Variants in ZNF142 observed in about 807,000 individuals in gnomAD.
ZNF142 encodes the protein zinc finger protein 142 (clone pHZ-49).
In ZNF142, 96 loss-of-function variants were observed where a neutral mutation model predicts 132.1. That is an observed-to-expected ratio of 0.73 (90% CI 0.62 to 0.86). ZNF142 has a LOEUF of 0.86. Among genes scored for constraint, ZNF142 ranks in the 40% least tolerant of loss-of-function variants. The pLI, the probability that ZNF142 is intolerant of heterozygous loss-of-function variation, is 0.00. For synonymous variants in ZNF142, 842 were observed against 890.1 expected (o/e 0.95, Z 0.96); for missense variants, 2,163 against 2,336.2 (o/e 0.93, Z 1.53).
Position 218,648,701 on chromosome 2 carries a change from A to G in ZNF142, c.1807T>C (p.Cys603Arg), listed in dbSNP as rs780029289. 2 of 1,614,202 alleles carry G rather than the reference A, an allele frequency of 1.2e-6. No individual in the cohort carries two copies. Among genetic ancestry groups the G allele is most frequent in the Non-Finnish European group, 1.7e-6 (2 of 1,180,044 alleles). ...KMHAHEKIHQ[C>R]PECNFATAHK... ...GCAGTGGCAAAGTTGCACTCAGGAC[A>G]CTGGTGGATCTTTTCATGAGCATGC... is the stretch of plus-strand genomic sequence containing the variant. Residue 603 changes from cysteine (C) to arginine (R), a missense_variant, in exon 7 of 11, where the codon TGT (cysteine) becomes CGT (arginine). By Grantham distance (180) the Cys-to-Arg change is radical (BLOSUM62 -3). Transcript: ENST00000411696.
rs1369723138 is a variant in ZNF142 at position 218,643,434 on chromosome 2, A to G, written c.3682T>C (p.Cys1228Arg). ...KHRFEQGKFH[C>R]NSCPFLCSRL... The stretch of plus-strand genomic sequence containing the variant: ...GAACAAAGGAATGGGCAGGAGTTGC[A>G]GTGAAACTTGCCCTGCTCAAAGCGG... The change falls in exon 9 of 11, where the codon TGC becomes CGC. Residue 1228 changes from cysteine (C) to arginine (R), a missense_variant. Coordinates refer to ENST00000411696, the MANE Select transcript of ZNF142 (RefSeq NM_001379659.1). 6.2e-7 allele frequency: 1 copy of G among 1,614,130 alleles called. No individual in the cohort carries two copies. The highest frequency in any genetic ancestry group is 1.3e-5 in the African/African-American group (1 of 74,946).
chr2:218,657,675 C>T (rs1938639475), intron 3 of ZNF142, among the ~76,000 whole-genome samples: 1 of 152,152 alleles, frequency 6.6e-6, no homozygotes. Context: ...GGTGATCCAC[C>T]TGCCTCGGCC....
chr2:218,642,607 C>G lies in ZNF142; in HGVS notation c.4509G>C (p.Gln1503His), dbSNP rs1378086495. 1 of 1,602,994 alleles carries G rather than the reference C, an allele frequency of 6.2e-7. No homozygotes were observed. The highest frequency in any genetic ancestry group is 1.1e-5 in the South Asian group (1 of 89,506). ...AQFSSETALK[Q>H]HALRRHPEPA... ...GCTCGGGGTGTCGGCGCAGAGCATG[C>G]TGCTTAAGTGCTGTCTCTGAGCTGA... Residue 1503 changes from glutamine to histidine, a missense_variant, in exon 9 of 11, where the codon CAG (glutamine) becomes CAC (histidine). Physicochemically the swap from Gln to His is conservative, Grantham distance 24. This residue lies in a region of ZNF142 where 809 missense variants were observed against 801.7 expected (regional missense o/e 1.01). Coordinates refer to ENST00000411696, the MANE Select transcript of ZNF142 (RefSeq NM_001379659.1). This position sits in a 1 kb window ranked among gnomAD's most constrained non-coding sequence, Gnocchi z 4.6.
chr2:218,636,502 T>C lies in ZNF142; in HGVS notation c.*1837A>G. On this transcript the variant is annotated 3_prime_UTR_variant, in exon 11 of 11. Coordinates refer to ENST00000411696, the MANE Select transcript of ZNF142 (RefSeq NM_001379659.1). Reference sequence around the variant, plus strand: ...GCCACATTCACCTGCTGTCCAAAGATGGCATCAGCCTCCGCCCAGCTTCCA... The same window carrying C: ...GCCACATTCACCTGCTGTCCAAAGACGGCATCAGCCTCCGCCCAGCTTCCA... 8 of 1,613,998 alleles carry C rather than the reference T, an allele frequency of 5.0e-6. No individual in the cohort carries two copies. The highest frequency in any genetic ancestry group is 5.9e-6 in the Non-Finnish European group (7 of 1,179,882).
In ZNF142 at chr2:218,633,643, G is replaced by A. The variant is rs1696524859; in HGVS notation, c.*4696C>T. The A allele has an allele frequency of 6.2e-7, 1 of 1,613,480 alleles. No individual in the cohort carries two copies. Among genetic ancestry groups the A allele is most frequent in the East Asian group, 2.2e-5 (1 of 44,888 alleles). On this transcript the variant is annotated 3_prime_UTR_variant, in exon 11 of 11. Transcript: ENST00000411696. ...TCTTGTGTCCAGCCCTCTCTTCCCT[G>A]GTTATCTACTTGAAGTCTGTCTCAT...
Position 218,637,725 on chromosome 2 carries a change from G to C in ZNF142, c.*614C>G, listed in dbSNP as rs1696843168. Among the ~76,000 whole-genome samples, 1 of 152,180 alleles carries C rather than the reference G, an allele frequency of 6.6e-6. No individual in the cohort carries two copies. Among genetic ancestry groups the C allele is most frequent in the Non-Finnish European group, 1.5e-5 (1 of 68,048 alleles). ...GTAGACAAAGGAGCTTGGAAGTAGG[G>C]AGCAGGTCAAGGGTCAAGATGGCTC... is the stretch of plus-strand genomic sequence containing the variant. On this transcript the variant is annotated 3_prime_UTR_variant, in exon 11 of 11. Transcript: ENST00000411696.
At chr2:218,640,061 C>CAAAAAAAAAAAA (rs35136548) in intron 10 of ZNF142, among the ~76,000 whole-genome samples, 3 of 44,334 alleles carry the variant, frequency 6.8e-5, no homozygotes, top group African/African-American at 2.0e-4. Context: ...GACTCTGTCT[C>CAAAAAAAAAAAA]AAAAAAAAAA....
chr2:218,655,753 C>A (rs1938423176), intron 4 of ZNF142, among the ~76,000 whole-genome samples: 1 of 152,130 alleles, frequency 6.6e-6, no homozygotes, highest in Non-Finnish European at 1.5e-5. Flanking sequence ...GAAAGCCCTG[C>A]CAAGCCCAGG....
Position 218,643,709 on chromosome 2 carries a change from A to G in ZNF142, c.3407T>C (p.Leu1136Pro), listed in dbSNP as rs1288943815. 1 of 1,598,486 alleles carries G rather than the reference A, an allele frequency of 6.3e-7. No individual in the cohort carries two copies. Among genetic ancestry groups the G allele is most frequent in the South Asian group, 1.1e-5 (1 of 88,696 alleles). The change falls in exon 9 of 11, where the codon CTG (leucine) becomes CCG (proline). Residue 1136 changes from leucine to proline, a missense_variant. By Grantham distance (98) the Leu-to-Pro change is moderately conservative. Coordinates refer to ENST00000411696, the MANE Select transcript of ZNF142 (RefSeq NM_001379659.1). ...PPPASQEAELLLPKDAPLELP... is the reference protein window; with the variant it reads ...PPPASQEAELPLPKDAPLELP... ...CTCCAAAGGAGCATCTTTTGGAAGC[A>G]GTAGCTCTGCTTCTTGTGATGCAGG...
chr2:218,653,406 C>T (rs1245037018), intron 4 of ZNF142, among the ~76,000 whole-genome samples: 4 of 151,926 alleles, frequency 2.6e-5, no homozygotes, highest in Admixed American at 1.3e-4. Flanking sequence ...GGCGAAACCC[C>T]GTCTCTACTA....
intron 9 of ZNF142, 108 bp downstream of exon 9, chr2:218,641,920 C>T: frequency 7.1e-7 from 1 of 1,404,868 alleles, no homozygotes. Flanking sequence ...GGAACTTTCC[C>T]AAAGTCACAG....
At chr2:218,658,351 C>T (rs1187042249) in intron 3 of ZNF142, among the ~76,000 whole-genome samples, 3 of 152,078 alleles carry the variant, frequency 2.0e-5, no homozygotes, top group Non-Finnish European at 4.4e-5. Flanking sequence ...ACCAGCCTGG[C>T]GAACATTGTG....
chr2:218,636,069 G>C lies in ZNF142; in HGVS notation c.*2270C>G. 2 of 1,449,294 alleles carry C rather than the reference G, an allele frequency of 1.4e-6. No homozygotes were observed. Among genetic ancestry groups the C allele is most frequent in the Non-Finnish European group, 1.9e-6 (2 of 1,063,486 alleles). 89.8% of individuals were successfully genotyped at this position (1,449,294 alleles called of 1,614,324 possible). A position where few individuals can be genotyped will look rare whatever the true frequency, so the allele number is the denominator to read the frequency against. Reference sequence around the variant, plus strand: ...AGTGTGGAACAGTACAAAGAATCCTGGCTCTTCACTTAAAAGCTCCAGTGA... The same window carrying C: ...AGTGTGGAACAGTACAAAGAATCCTCGCTCTTCACTTAAAAGCTCCAGTGA... On this transcript the variant is annotated 3_prime_UTR_variant, in exon 11 of 11. Transcript: ENST00000411696.
chr2:218,657,304 C>T (rs1373928859), intron 3 of ZNF142, among the ~76,000 whole-genome samples: 1 of 152,218 alleles, frequency 6.6e-6, no homozygotes, highest in East Asian at 1.9e-4. Context: ...CTTTCATACC[C>T]TCACAGCCTT....
At position 218,642,348 on chromosome 2, in the gene ZNF142, G is replaced by A. The variant is rs775354210; in HGVS notation, c.4768C>T (p.Arg1590Trp). 49 of 1,613,310 alleles carry A rather than the reference G, an allele frequency of 3.0e-5. No homozygotes were observed. Among genetic ancestry groups the A allele is most frequent in the South Asian group, 1.8e-4 (16 of 91,084 alleles). Reference sequence around the variant, plus strand: ...TGCTTTACCAGGCCCACCCGCTCCCGGGCAGCAAAGTCACAGAGCTGACAG... The same window carrying A: ...TGCTTTACCAGGCCCACCCGCTCCCAGGCAGCAAAGTCACAGAGCTGACAG... The part of the protein sequence containing the change: ...HRCQLCDFAA[R>W]ERVGLVKHYL... Residue 1590 changes from arginine (R) to tryptophan (W), a missense_variant, in exon 9 of 11, where the codon CGG becomes TGG. Physicochemically the swap from Arg to Trp is moderately radical, Grantham distance 101. This residue lies in a region of ZNF142 where 809 missense variants were observed against 801.7 expected (regional missense o/e 1.01). Coordinates refer to ENST00000411696, the MANE Select transcript of ZNF142 (RefSeq NM_001379659.1). The surrounding 1 kb of genome is among the most constrained non-coding windows in gnomAD (Gnocchi z 4.6).
Position 218,636,604 on chromosome 2 carries a change from TG to T in ZNF142, c.*1734del. 6.2e-7 allele frequency: 1 copy of T among 1,604,636 alleles called. No individual in the cohort carries two copies. The highest frequency in any genetic ancestry group is 8.5e-7 in the Non-Finnish European group (1 of 1,172,160). On this transcript the variant is annotated 3_prime_UTR_variant, in exon 11 of 11. Coordinates refer to ENST00000411696, the MANE Select transcript of ZNF142 (RefSeq NM_001379659.1). Reference sequence around the variant, plus strand: ...GTGGGCATTTCACGGGAAGGGTTGGTGTGCTGGCTTTAGACGGGGAGAAACA... The same window carrying T: ...GTGGGCATTTCACGGGAAGGGTTGGTTGCTGGCTTTAGACGGGGAGAAACA...
rs899518761 is a variant in ZNF142 at position 218,643,445 on chromosome 2, C to T, written c.3671G>A (p.Gly1224Asp). The stretch of plus-strand genomic sequence containing the variant: ...TGGGCAGGAGTTGCAGTGAAACTTG[C>T]CCTGCTCAAAGCGGTGCTTCTTCAG... The part of the protein sequence containing the change: ...EALKKHRFEQ[G>D]KFHCNSCPFL... Residue 1224 changes from glycine (G) to aspartate (D), a missense_variant, in exon 9 of 11, where the codon GGC becomes GAC. By Grantham distance (94) the Gly-to-Asp change is moderately conservative. Around this residue, in one of 7 missense-constraint regions of ZNF142, gnomAD observed 809 missense variants for 801.7 expected, o/e 1.01. Coordinates refer to ENST00000411696, the MANE Select transcript of ZNF142 (RefSeq NM_001379659.1). 6.2e-7 allele frequency: 1 copy of T among 1,614,214 alleles called. No homozygotes were observed. Among genetic ancestry groups the T allele is most frequent in the Admixed American group, 1.7e-5 (1 of 60,032 alleles).
intron 9 of ZNF142, among the ~76,000 whole-genome samples, chr2:218,641,747 G>C (rs905171188): frequency 6.6e-6 from 1 of 151,978 alleles, no homozygotes; most frequent in African/African-American, 2.4e-5. Context: ...CTCTGCTGCC[G>C]AGTGGTCTTC....
At chr2:218,649,534 T>C (rs1465874080) in intron 6 of ZNF142, 75 bp from the exon 7 acceptor site, 51 of 1,363,546 alleles carry the variant, frequency 3.7e-5, no homozygotes, top group Non-Finnish European at 4.7e-5. Context: ...GAACCACAAT[T>C]TGCTCAGACA....
Sources: gnomAD v4.1 joint callset for allele counts (sites outside exome capture counted in the v4.1 genomes callset) on GRCh38, gnomAD v4.1.1 for gene constraint, gnomAD v4.1.1 regional missense constraint, Gnocchi (gnomAD v3.1) non-coding constraint, MANE v1.5 for transcripts, NCBI Gene and HGNC (gene_info 2026-07-23, HGNC 2026-07-21) for gene names.